Variants in POLD3 observed in about 807,000 individuals in gnomAD.
POLD3 encodes DNA polymerase delta subunit 3.
Under a neutral mutation model 58.2 loss-of-function variants are expected in POLD3, and 19 were observed. That is an observed-to-expected ratio of 0.33 (90% confidence interval 0.23 to 0.48). The LOEUF (loss-of-function observed/expected upper bound fraction) is 0.48, where lower values mean the gene tolerates loss of function less well. Among genes scored for constraint, POLD3 ranks in the 20% least tolerant of loss-of-function variants. POLD3 has a pLI of 0.99. For synonymous variants in POLD3, 172 were observed against 193.5 expected (o/e 0.89, Z 0.92); for missense variants, 504 against 545.5 (o/e 0.92, Z 0.76).
At chr11:74,668,142 G>C (rs1259610878) in intron 4 of POLD3, among the ~76,000 whole-genome samples, 1 of 152,192 alleles carries the variant, frequency 6.6e-6, no homozygotes, top group African/African-American at 2.4e-5. Context: ...ATATAAAATG[G>C]TGCAGGCACT....
intron 3 of POLD3, among the ~76,000 whole-genome samples, chr11:74,608,378 C>T (rs1221769401): frequency 2.6e-5 from 4 of 152,176 alleles, no homozygotes; most frequent in African/African-American, 7.2e-5. Flanking sequence ...GCTTCGGCCT[C>T]CCTAAGTGCT....
Position 74,641,363 on chromosome 11 carries a change from A to C in POLD3, c.*597A>C. Reference sequence around the variant, plus strand: ...ATGCAGTACACGGACACCTGGCTACAGACCAGGACGTGGCTTGTGTTCTGT... The same window carrying C: ...ATGCAGTACACGGACACCTGGCTACCGACCAGGACGTGGCTTGTGTTCTGT... On this transcript the variant is annotated 3_prime_UTR_variant, in exon 12 of 12. Coordinates refer to ENST00000263681, the MANE Select transcript of POLD3 (RefSeq NM_006591.3). 1 of 985,452 alleles carries C rather than the reference A, an allele frequency of 1.0e-6. No homozygotes were observed. The highest frequency in any genetic ancestry group is 4.7e-5 in the South Asian group (1 of 21,290). The allele number at this position is 985,452 out of a possible 1,614,324, so 61.0% of individuals were successfully genotyped here.
intron 3 of POLD3, among the ~76,000 whole-genome samples, chr11:74,605,835 G>A (rs2061585687): frequency 6.6e-6 from 1 of 152,200 alleles, no homozygotes; most frequent in African/African-American, 2.4e-5. Flanking sequence ...TGTGATCCCA[G>A]CCCTTTGGGA....
intron 2 of POLD3, among the ~76,000 whole-genome samples, chr11:74,600,853 G>C (rs142162780): frequency 5.3e-4 from 80 of 151,264 alleles, no homozygotes; most frequent in African/African-American, 1.8e-3. Flanking sequence ...GAGTAACTGG[G>C]ATTACGGGCA....
At chr11:74,660,098 ACTT>A (rs2033186508) in intron 4 of POLD3, among the ~76,000 whole-genome samples, 1 of 152,226 alleles carries the variant, frequency 6.6e-6, no homozygotes, top group African/African-American at 2.4e-5. Flanking sequence ...GGCAAAAGGC[ACTT>A]CTTACATGGC....
rs777461638 is a variant in POLD3 at position 74,612,984 on chromosome 11, T to C, written c.366T>C (p.Leu122=). 5.6e-5 allele frequency: 91 copies of C among 1,611,542 alleles called. No homozygotes were observed. Among genetic ancestry groups the C allele is most frequent in the Non-Finnish European group, 7.5e-5 (88 of 1,179,292 alleles). ...GPLFNTDYDI[L]KSNLQNCSKF... ...TGTTCAATACTGACTATGACATCCT[T>C]AAAAGCAACTTGCAGAACTGCAGCA... is the stretch of plus-strand genomic sequence containing the variant. Residue 122 remains leucine (L), a synonymous_variant, in exon 5 of 12, where the codon CTT becomes CTC. Transcript: ENST00000263681.
chr11:74,635,405 G>A (rs1235643061), intron 10 of POLD3, among the ~76,000 whole-genome samples: 1 of 152,160 alleles, frequency 6.6e-6, no homozygotes. Flanking sequence ...AAGTGTCAAG[G>A]CTGGCCAGGC....
intron 9 of POLD3, among the ~76,000 whole-genome samples, chr11:74,632,561 A>G (rs1354001694): frequency 2.6e-5 from 4 of 152,232 alleles, no homozygotes; most frequent in Non-Finnish European, 5.9e-5. Context: ...AGATAAAAAT[A>G]GAAGTTTTAT....
chr11:74,613,047 A>T, intron 5 of POLD3, 37 bp downstream of exon 5: 1 of 1,584,340 alleles, frequency 6.3e-7, no homozygotes, highest in Non-Finnish European at 8.6e-7. Flanking sequence ...CTTCTTTACG[A>T]ATTGATTTTG....
At chr11:74,630,001 G>A (rs1332015070) in intron 9 of POLD3, among the ~76,000 whole-genome samples, 2 of 152,138 alleles carry the variant, frequency 1.3e-5, no homozygotes, top group Non-Finnish European at 2.9e-5. Context: ...AGACACAGTG[G>A]TGAAAAGTTT....
At chr11:74,614,956 C>T (rs534823377) in intron 5 of POLD3, among the ~76,000 whole-genome samples, 10 of 152,082 alleles carry the variant, frequency 6.6e-5, no homozygotes, top group African/African-American at 1.9e-4. Flanking sequence ...GGATGTCCAT[C>T]GCAAAAGATA....
intron 2 of POLD3, among the ~76,000 whole-genome samples, chr11:74,596,914 C>A (rs905639187): frequency 2.0e-5 from 3 of 152,190 alleles, no homozygotes; most frequent in Non-Finnish European, 4.4e-5. Flanking sequence ...CAGGTTCATC[C>A]ATTTTGTTGC....
At chr11:74,599,855 C>A (rs1419827379) in intron 2 of POLD3, among the ~76,000 whole-genome samples, 11 of 151,978 alleles carry the variant, frequency 7.2e-5, no homozygotes, top group Admixed American at 3.9e-4. Context: ...ATGGGTGGAA[C>A]TGATCAGGAG....
chr11:74,633,263 T>G (rs2032648560), intron 9 of POLD3, among the ~76,000 whole-genome samples: 1 of 152,204 alleles, frequency 6.6e-6, no homozygotes. Context: ...CTTCTGGGGT[T>G]TGACTTTTCT....
chr11:74,616,721 ACT>A (rs2032091147), intron 5 of POLD3, among the ~76,000 whole-genome samples: 1 of 151,996 alleles, frequency 6.6e-6, no homozygotes, highest in African/African-American at 2.4e-5. Context: ...GGAGCTTTTG[ACT>A]CTAGCTTTGG....
chr11:74,625,370 G>C, intron 7 of POLD3, 38 bp from the exon 8 acceptor site: 1 of 1,509,230 alleles, frequency 6.6e-7, no homozygotes, highest in Non-Finnish European at 9.1e-7. Context: ...AATATTGCAT[G>C]ATGGGGTCAT....
At chr11:74,665,391 A>ATTTTTTTT (rs1202426924) in intron 4 of POLD3, among the ~76,000 whole-genome samples, 1,214 of 83,300 alleles carry the variant, frequency 0.015, 94 homozygotes, top group African/African-American at 0.058. Context: ...CCCTTTTATA[A>ATTTTTTTT]TTTTTTTTTT....
chr11:74,613,530 C>A lies in POLD3; in HGVS notation c.392+520C>A, dbSNP rs1032259395. The stretch of plus-strand genomic sequence containing the variant: ...TGGTGGTCACAGGCTTGATTTGTGG[C>A]TTTGCTGCTTAGTAGCCCAGTGGCA... On this transcript the variant is annotated intron_variant, in intron 5 of 11. Transcript: ENST00000263681. 2.0e-5 allele frequency among the ~76,000 whole-genome samples: 3 copies of A among 152,168 alleles called. No individual in the cohort carries two copies. In the East Asian group the frequency reaches 5.8e-4, roughly 30 times the overall value.
At chr11:74,618,883 T>C in intron 6 of POLD3, 79 bp downstream of exon 6, 1 of 1,182,062 alleles carries the variant, frequency 8.5e-7, no homozygotes, top group East Asian at 2.5e-5. Flanking sequence ...GCAGTGGTAG[T>C]AGTTTATTTA....
Sources: allele counts gnomAD v4.1 joint callset (sites outside exome capture counted in the v4.1 genomes callset), GRCh38; gene constraint gnomAD v4.1.1; transcripts MANE v1.5; gene names NCBI Gene and HGNC (gene_info 2026-07-23, HGNC 2026-07-21).